DHPS: variants seen among roughly 807,000 people sequenced by gnomAD.
DHPS encodes the protein deoxyhypusine synthase, also known as migration-inducing gene 13.
A neutral mutation model predicts 38.7 loss-of-function variants in DHPS; 24 were observed. The ratio of observed to expected loss-of-function variants is 0.62; its 90% CI spans 0.45 to 0.87. The LOEUF is 0.87. Among genes scored for constraint, DHPS ranks in the 40% least tolerant of loss-of-function variants. DHPS has a pLI of 0.00. For missense variants in DHPS, 510 were observed against 497.6 expected, an observed-to-expected ratio of 1.02 and a Z score of -0.24; for synonymous variants, 250 against 204.4, an observed-to-expected ratio of 1.22 and a Z score of -1.90.
downstream of DHPS, among the ~76,000 whole-genome samples, chr19:12,673,786 C>T (rs1169631824): frequency 1.3e-5 from 2 of 151,940 alleles, no homozygotes. Context: ...GCAACCTCTT[C>T]CCCCCAGGGT....
At position 12,681,556 on chromosome 19, in the gene DHPS, T is replaced by A. The variant is rs773566090; in HGVS notation, c.207+4A>T. 10 of 1,614,236 alleles carry A rather than the reference T, an allele frequency of 6.2e-6. No individual in the cohort carries two copies. The highest frequency in any genetic ancestry group is 8.5e-6 in the Non-Finnish European group (10 of 1,180,024). ...CGTCCCTAGAAATTCCGCCCGGTCC[T>A]CACCATGGCATTGACTTGCTGTACA... On this transcript the variant is annotated splice_donor_region_variant and intron_variant, in intron 1 of 8. Coordinates refer to ENST00000210060, the MANE Select transcript of DHPS (RefSeq NM_001930.4).
chr19:12,672,992 C>T (rs1052070332), downstream of DHPS: 2 of 1,609,860 alleles, frequency 1.2e-6, no homozygotes, highest in Admixed American at 1.7e-5. Flanking sequence ...ACTCACCTAC[C>T]CACCCTTCCC....
At chr19:12,673,980 C>T (rs1450810796), downstream of DHPS, among the ~76,000 whole-genome samples, 1 of 152,164 alleles carries the variant, frequency 6.6e-6, no homozygotes, top group Non-Finnish European at 1.5e-5. Context: ...GATTACAGGC[C>T]TGAGACACCG....
downstream of DHPS, chr19:12,673,314 G>A: frequency 6.2e-7 from 1 of 1,613,454 alleles, no homozygotes; most frequent in East Asian, 2.2e-5. Flanking sequence ...GGACCTGGTG[G>A]AGGTGAGGTG....
chr19:12,679,821 G>A lies in DHPS; in HGVS notation c.474C>T (p.Leu158=). 2 of 1,614,132 alleles carry A rather than the reference G, an allele frequency of 1.2e-6. No individual in the cohort carries two copies. The highest frequency in any genetic ancestry group is 2.2e-5 in the East Asian group (1 of 44,886). Reference sequence around the variant, plus strand: ...CTCACCTATTGATCCCGTTCTCCCGGAGCTCCTTCCCCCTGAGGCTAAACT... The same window carrying A: ...CTCACCTATTGATCCCGTTCTCCCGAAGCTCCTTCCCCCTGAGGCTAAACT... ...LGEFSLRGKE[L]RENGINRIGN... Residue 158 remains leucine (L), a synonymous_variant, in exon 3 of 9, where the codon CTC becomes CTT. Coordinates refer to ENST00000210060, the MANE Select transcript of DHPS (RefSeq NM_001930.4).
downstream of DHPS, among the ~76,000 whole-genome samples, chr19:12,674,842 A>G (rs115853466): frequency 0.035 from 5,353 of 152,234 alleles, 321 homozygotes; most frequent in African/African-American, 0.12. Context: ...CCGGCCAGGC[A>G]TGGTGGTTCA....
downstream of DHPS, chr19:12,673,176 AG>A: frequency 6.2e-7 from 1 of 1,613,330 alleles, no homozygotes; most frequent in African/African-American, 1.3e-5. Flanking sequence ...GAGAGGACCA[AG>A]CCCCCCGATC....
At chr19:12,673,106 C>T (rs1381502695), downstream of DHPS, 1 of 1,612,734 alleles carries the variant, frequency 6.2e-7, no homozygotes, top group East Asian at 2.2e-5. Context: ...CACAGGGGAG[C>T]TGCTGGGCGA....
rs1205947087 is a variant in DHPS at position 12,681,637 on chromosome 19, C to A, written c.130G>T (p.Ala44Ser). 13 of 1,614,112 alleles carry A rather than the reference C, an allele frequency of 8.1e-6. No homozygotes were observed. The highest frequency in any genetic ancestry group is 1.1e-5 in the South Asian group (1 of 91,094). The change falls in exon 1 of 9, where the codon GCA becomes TCA. Residue 44 changes from alanine to serine, a missense_variant. Transcript: ENST00000210060. ...GTGGTGCCGAAGGCCTCCAGCAGTG[C>A]GCGGTAATTCACACCGCGGTTGAAG... ...YDFNRGVNYR[A>S]LLEAFGTTGF...
chr19:12,675,979 G>A (rs368667377), intron 8 of DHPS, 38 bp downstream of exon 8: 28 of 1,607,106 alleles, frequency 1.7e-5, no homozygotes, highest in South Asian at 3.3e-5. Flanking sequence ...CACACTCATC[G>A]TCCCAGAGAC....
Position 12,681,721 on chromosome 19 carries a change from C to G in DHPS, c.46G>C (p.Ala16Pro). Residue 16 changes from alanine to proline, a missense_variant, in exon 1 of 9, where the codon GCC (alanine) becomes CCC (proline). Transcript: ENST00000210060. ...AACGTCGAGCTGTGCTTTAGCACGG[C>G]GGCCAGCGCCCCCGCTGGCGCCTCC... is the stretch of plus-strand genomic sequence containing the variant. ...EREAPAGALA[A>P]VLKHSSTLPP... is the part of the protein sequence containing the mutation. 1 of 1,613,162 alleles carries G rather than the reference C, an allele frequency of 6.2e-7. No homozygotes were observed. The highest frequency in any genetic ancestry group is 8.5e-7 in the Non-Finnish European group (1 of 1,179,996).
In DHPS at chr19:12,679,320, CCTAT is replaced by C. The variant is rs2024719578; in HGVS notation, c.678+133_678+136del. 6 of 852,320 alleles carry C rather than the reference CCTAT, an allele frequency of 7.0e-6. No homozygotes were observed. The East Asian group carries it at 9.7e-5, about 14-fold the overall frequency. The allele number at this position is 852,320 out of a possible 1,614,324, so 52.8% of individuals were successfully genotyped here. A position where few individuals can be genotyped will look rare whatever the true frequency, so the allele number is the denominator to read the frequency against. On this transcript the variant is annotated intron_variant, in intron 5 of 8. Transcript: ENST00000210060. ...CTCAAAAAAAAAAAAAATTACCACGCCTATCTGTGTTTGAGTCTCCTCATCTAAG... is the reference window on the plus strand; with the variant it reads ...CTCAAAAAAAAAAAAAATTACCACGCCTGTGTTTGAGTCTCCTCATCTAAG...
At chr19:12,680,528 C>A (rs1391217975) in intron 1 of DHPS, among the ~76,000 whole-genome samples, 1 of 151,264 alleles carries the variant, frequency 6.6e-6, no homozygotes, top group African/African-American at 2.4e-5. Context: ...CAGGATTTGC[C>A]CCCACCCTTT....
downstream of DHPS, among the ~76,000 whole-genome samples, chr19:12,674,791 G>A (rs1252364462): frequency 6.6e-6 from 1 of 152,070 alleles, no homozygotes. Flanking sequence ...GAGCCAAGAG[G>A]AATAACTGAT....
chr19:12,680,325 T>C lies in DHPS; in HGVS notation c.208A>G (p.Ile70Val). 6.2e-7 allele frequency: 1 copy of C among 1,614,124 alleles called. No individual in the cohort carries two copies. The highest frequency in any genetic ancestry group is 8.5e-7 in the Non-Finnish European group (1 of 1,180,016). ...GRAVQQVNAM[I>V]EKKLEPLSQD... ...GACAGTGGTTCCAGCTTCTTCTCGA[T>C]CTGTGAGTAAGGGCCAAGTCAAGTT... The change falls in exon 2 of 9, where the codon ATC (isoleucine) becomes GTC (valine). Residue 70 changes from isoleucine (I) to valine (V), a missense_variant and splice_region_variant. Coordinates refer to ENST00000210060, the MANE Select transcript of DHPS (RefSeq NM_001930.4).
chr19:12,675,565 C>CA, downstream of DHPS: 2 of 1,606,192 alleles, frequency 1.2e-6, no homozygotes, highest in Non-Finnish European at 1.7e-6. Context: ...CGGTGTGGTG[C>CA]AGTCGCTGGC....
At chr19:12,672,777 G>A (rs145479744), downstream of DHPS, 2,416 of 1,492,346 alleles carry the variant, frequency 1.6e-3, 5 homozygotes, top group Non-Finnish European at 1.9e-3. Context: ...ACTGGGCTGG[G>A]AAGGCACAGG....
chr19:12,681,089 C>T (rs1051618511), intron 1 of DHPS: 119 of 1,259,160 alleles, frequency 9.5e-5, no homozygotes, highest in Non-Finnish European at 1.2e-4. Context: ...GCCTCGGCTT[C>T]CCAAAATGCT....
At chr19:12,677,425 G>A in intron 5 of DHPS, 29 bp from the exon 6 acceptor site, 1 of 1,590,990 alleles carries the variant, frequency 6.3e-7, no homozygotes, top group Non-Finnish European at 8.6e-7. Context: ...GACAGTGGCT[G>A]GAGCTCAGAG....
Sources: allele counts gnomAD v4.1 joint callset (sites outside exome capture counted in the v4.1 genomes callset), GRCh38; gene constraint gnomAD v4.1.1; transcripts MANE v1.5; gene names NCBI Gene and HGNC (gene_info 2026-07-23, HGNC 2026-07-21).